HOXC4: variants seen among roughly 807,000 people sequenced by gnomAD.
HOXC4 encodes the protein homeobox protein Hox-C4.
A neutral mutation model predicts 25.5 loss-of-function variants in HOXC4; 15 were observed. The ratio of observed to expected loss-of-function variants is 0.59; its 90% CI spans 0.39 to 0.91. The LOEUF is 0.91. HOXC4 is among the 40% of genes least tolerant of loss of function. HOXC4 has a pLI of 0.00. For missense variants in HOXC4, 342 were observed against 352.4 expected (o/e 0.97, Z 0.24); for synonymous variants, 165 against 148.0 (o/e 1.11, Z -0.83).
chr12:54,051,258 C>G (rs1937839559), upstream of HOXC4, among the ~76,000 whole-genome samples: 1 of 151,840 alleles, frequency 6.6e-6, no homozygotes, highest in African/African-American at 2.4e-5. Flanking sequence ...AGGTTTCCTC[C>G]CTCTTCATCA....
intron 1 of HOXC4, 61 bp from the exon 2 acceptor site, chr12:54,054,789 G>A: frequency 2.7e-6 from 3 of 1,097,716 alleles, no homozygotes; most frequent in Non-Finnish European, 4.0e-6. Flanking sequence ...ATGGGGTGAG[G>A]GTGGGGGGCG....
intron 1 of HOXC4, 67 bp from the exon 2 acceptor site, chr12:54,054,783 G>A: frequency 9.8e-7 from 1 of 1,023,268 alleles, no homozygotes; most frequent in Non-Finnish European, 1.5e-6. Context: ...CTGAGGATGG[G>A]GTGAGGGTGG....
intron 1 of HOXC4, among the ~76,000 whole-genome samples, chr12:54,024,047 T>C (rs1940569451): frequency 6.6e-6 from 1 of 152,246 alleles, no homozygotes. Context: ...AGTCTAATCA[T>C]AGACCAATCG....
At chr12:54,033,852 C>G in intron 1 of HOXC4, 1 of 499,048 alleles carries the variant, frequency 2.0e-6, no homozygotes, top group South Asian at 2.1e-5. Flanking sequence ...GGGTGAGGAG[C>G]GCGGGGCTCC....
At chr12:54,045,687 ATC>A (rs1284559210) in intron 1 of HOXC4, among the ~76,000 whole-genome samples, 1 of 152,326 alleles carries the variant, frequency 6.6e-6, no homozygotes, top group East Asian at 1.9e-4. Flanking sequence ...AACTTACTGC[ATC>A]TCTCTGTCTC....
At position 54,055,592 on chromosome 12, in the gene HOXC4, G is replaced by A. The variant is rs748646192; in HGVS notation, c.*387G>A. ...AGGGGAAATGAGGAAAAGAAAAAAG[G>A]AAAGAAATTTTAAAGCCAATTCTCA... On this transcript the variant is annotated 3_prime_UTR_variant, in exon 2 of 2. Coordinates refer to ENST00000430889, the MANE Select transcript of HOXC4 (RefSeq NM_153633.3). 1 of 152,276 alleles carries A rather than the reference G, an allele frequency of 6.6e-6. No individual in the cohort carries two copies. Among genetic ancestry groups the A allele is most frequent in the African/African-American group, 2.4e-5 (1 of 41,260 alleles). The allele number at this position is 152,276 out of a possible 1,614,324, so 9.4% of individuals were successfully genotyped here. A position where few individuals can be genotyped will look rare whatever the true frequency, so the allele number is the denominator to read the frequency against.
intron 1 of HOXC4, among the ~76,000 whole-genome samples, chr12:54,026,318 A>T (rs1337713328): frequency 6.6e-6 from 1 of 152,204 alleles, no homozygotes; most frequent in East Asian, 1.9e-4. Context: ...AGGGGGCCTG[A>T]AGCCTCAGCC....
chr12:54,033,984 G>T lies in HOXC4; in HGVS notation c.-124+16570G>T, dbSNP rs1300729263. 1.7e-5 allele frequency: 10 copies of T among 594,710 alleles called. No homozygotes were observed. The East Asian group carries it at 1.8e-4, about 11-fold the overall frequency. 36.8% of individuals were successfully genotyped at this position (594,710 alleles called of 1,614,324 possible). A position where few individuals can be genotyped will look rare whatever the true frequency, so the allele number is the denominator to read the frequency against. ...GGCGGGAGGGGGGTCCCCGGTGCTCGGATCTCGAGGGTGCTTATTGTTCGG... is the reference window on the plus strand; with the variant it reads ...GGCGGGAGGGGGGTCCCCGGTGCTCTGATCTCGAGGGTGCTTATTGTTCGG... On this transcript the variant is annotated intron_variant, in intron 1 of 3. Transcript: ENST00000303406.
upstream of HOXC4, among the ~76,000 whole-genome samples, chr12:54,049,648 C>A (rs1038522389): frequency 6.6e-6 from 1 of 151,178 alleles, no homozygotes; most frequent in African/African-American, 2.4e-5. Context: ...CAATTCATTA[C>A]TTTTACTGAC....
chr12:54,034,919 C>A, intron 1 of HOXC4: 1 of 216,524 alleles, frequency 4.6e-6, no homozygotes, highest in Non-Finnish European at 9.4e-6. Flanking sequence ...TTGTTCCCGG[C>A]TGGACGGGTT....
intron 1 of HOXC4, among the ~76,000 whole-genome samples, chr12:54,042,853 T>C (rs1941296893): frequency 6.6e-6 from 1 of 152,200 alleles, no homozygotes; most frequent in Non-Finnish European, 1.5e-5. Flanking sequence ...CATTGGTGTG[T>C]CTGTACTGAT....
chr12:54,028,415 T>C, intron 1 of HOXC4: 1 of 1,254,542 alleles, frequency 8.0e-7, no homozygotes, highest in Middle Eastern at 2.2e-4. Flanking sequence ...TGTCATTTTG[T>C]CTGTCCTGGA....
intron 1 of HOXC4, chr12:54,033,469 G>A: frequency 2.5e-6 from 4 of 1,598,120 alleles, no homozygotes; most frequent in Non-Finnish European, 3.4e-6. Context: ...AAGAGCAGTG[G>A]GGAGATCAAA....
Position 54,028,451 on chromosome 12 carries a change from G to A in HOXC4, c.-124+11037G>A, listed in dbSNP as rs926252689. On this transcript the variant is annotated intron_variant, in intron 1 of 3. Transcript: ENST00000303406. ...TTGGAGCCGTCCCTATAACCATCTA[G>A]TTCCGAGTACAAACTGGAGACAGAA... 3.3e-6 allele frequency: 5 copies of A among 1,518,072 alleles called. No individual in the cohort carries two copies. In the East Asian group the frequency reaches 9.0e-5, roughly 27 times the overall value. The allele number at this position is 1,518,072 out of a possible 1,614,324, so 94.0% of individuals were successfully genotyped here. A position where few individuals can be genotyped will look rare whatever the true frequency, so the allele number is the denominator to read the frequency against.
chr12:54,045,235 G>A (rs1046234251), intron 1 of HOXC4, among the ~76,000 whole-genome samples: 3 of 152,180 alleles, frequency 2.0e-5, no homozygotes, highest in Middle Eastern at 3.2e-3. Flanking sequence ...TTTATAGATC[G>A]TTCTATGTCT....
chr12:54,018,123 G>C (rs1313914741), intron 1 of HOXC4, among the ~76,000 whole-genome samples: 1 of 152,154 alleles, frequency 6.6e-6, no homozygotes, highest in Non-Finnish European at 1.5e-5. Context: ...TGGAAGGGTG[G>C]GAGGTGCCCT....
At chr12:54,037,014 G>A (rs1268131519) in intron 1 of HOXC4, among the ~76,000 whole-genome samples, 2 of 152,220 alleles carry the variant, frequency 1.3e-5, no homozygotes, top group Non-Finnish European at 2.9e-5. Flanking sequence ...CTCCCGGCAG[G>A]GTTTGGGCCT....
At chr12:54,021,416 G>A (rs927398802) in intron 1 of HOXC4, 3 of 152,344 alleles carry the variant, frequency 2.0e-5, no homozygotes, top group African/African-American at 7.2e-5. Flanking sequence ...GGAGCACTGA[G>A]TATGGGCTAC....
At chr12:54,033,875 C>T (rs1375774672) in intron 1 of HOXC4, 4 of 498,068 alleles carry the variant, frequency 8.0e-6, no homozygotes, top group Non-Finnish European at 1.5e-5. Flanking sequence ...AGCGGGGATC[C>T]CCCCGCGGCT....
Sources: gnomAD v4.1 joint callset for allele counts (sites outside exome capture counted in the v4.1 genomes callset) on GRCh38, gnomAD v4.1.1 for gene constraint, MANE v1.5 for transcripts, NCBI Gene and HGNC (gene_info 2026-07-23, HGNC 2026-07-21) for gene names.